Variants in RAB11FIP1 observed in about 807,000 individuals in gnomAD.
RAB11FIP1 encodes RAB11 family interacting protein 1.
Under a neutral mutation model 83.1 loss-of-function variants are expected in RAB11FIP1, and 49 were observed. The observed-to-expected ratio is 0.59, with a 90% confidence interval of 0.47 to 0.75. RAB11FIP1 has a LOEUF of 0.75. Ranked by LOEUF, RAB11FIP1 falls within the 30% of genes least tolerant of loss-of-function variation. RAB11FIP1 has a pLI of 0.00. For synonymous variants in RAB11FIP1, 670 were observed against 656.0 expected, an observed-to-expected ratio of 1.02 and a Z score of -0.33; for missense variants, 1,536 against 1,598.7, an observed-to-expected ratio of 0.96 and a Z score of 0.67.
intron 1 of RAB11FIP1, among the ~76,000 whole-genome samples, chr8:37,895,261 T>TATATATA (rs1563376642): frequency 1.5e-3 from 10 of 6,812 alleles, no homozygotes; most frequent in African/African-American, 2.5e-3. Flanking sequence ...ATATATATAT[T>TATATATA]TTTTTTTTTT....
Position 37,899,461 on chromosome 8 carries a change from A to G in RAB11FIP1, c.-20T>C. On this transcript the variant is annotated 5_prime_UTR_variant, in exon 1 of 6. Coordinates refer to ENST00000330843, the MANE Select transcript of RAB11FIP1 (RefSeq NM_001002814.3). This position sits in a 1 kb window ranked among gnomAD's most constrained non-coding sequence, Gnocchi z 4.5. Reference sequence around the variant, plus strand: ...GGACATGGTGACGATAACACTCCAGAAGCGAGGAGAAGATCGCCGCGACTG... The same window carrying G: ...GGACATGGTGACGATAACACTCCAGGAGCGAGGAGAAGATCGCCGCGACTG... 1 of 1,494,732 alleles carries G rather than the reference A, an allele frequency of 6.7e-7. No individual in the cohort carries two copies. The highest frequency in any genetic ancestry group is 8.9e-7 in the Non-Finnish European group (1 of 1,125,318). 92.6% of individuals were successfully genotyped at this position (1,494,732 alleles called of 1,614,324 possible). A position where few individuals can be genotyped will look rare whatever the true frequency, so the allele number is the denominator to read the frequency against.
At chr8:37,880,335 G>A (rs1806709435) in intron 1 of RAB11FIP1, among the ~76,000 whole-genome samples, 1 of 152,034 alleles carries the variant, frequency 6.6e-6, no homozygotes, top group South Asian at 2.1e-4. Context: ...GTCTCGCTCT[G>A]TCCCCCAGGC....
chr8:37,869,746 G>T (rs1806412752), intron 5 of RAB11FIP1, among the ~76,000 whole-genome samples: 1 of 152,146 alleles, frequency 6.6e-6, no homozygotes, highest in African/African-American at 2.4e-5. Flanking sequence ...TGTATATCCA[G>T]AAAGAGAGAA....
Position 37,899,184 on chromosome 8 carries a change from G to T in RAB11FIP1, c.258C>A (p.Ala86=). The change falls in exon 1 of 6, where the codon GCC becomes GCA. Residue 86 remains alanine, a synonymous_variant. Coordinates refer to ENST00000330843, the MANE Select transcript of RAB11FIP1 (RefSeq NM_001002814.3). This position sits in a 1 kb window ranked among gnomAD's most constrained non-coding sequence, Gnocchi z 4.5. ...GGTGCAGCACGGTGAGCTGCAGGGT[G>T]GCGGCGGCCGCGGGTCCGGAGGACA... The part of the protein sequence containing the change: ...SLLSSGPAAA[A]TLQLTVLHRA... The T allele has an allele frequency of 6.4e-7, 1 of 1,562,136 alleles. No homozygotes were observed. The highest frequency in any genetic ancestry group is 2.3e-5 in the East Asian group (1 of 42,704).
At chr8:37,890,373 G>A (rs1441027986) in intron 1 of RAB11FIP1, among the ~76,000 whole-genome samples, 1 of 152,062 alleles carries the variant, frequency 6.6e-6, no homozygotes, top group African/African-American at 2.4e-5. Flanking sequence ...ATTTTTTGGG[G>A]ATTTCTTATA....
rs752283615 is a variant in RAB11FIP1, at chr8:37,874,638, C to G, written c.1499G>C (p.Ser500Thr). 1 of 1,614,214 alleles carries G rather than the reference C, an allele frequency of 6.2e-7. No homozygotes were observed. The highest frequency in any genetic ancestry group is 8.5e-7 in the Non-Finnish European group (1 of 1,180,034). ...CACATCTTCAAAGAGGTTCAGGGAG[C>G]TGCCCTGTCTGGAGACAACAGCTGC... ...DTAAVVSRQG[S>T]SLNLFEDVQI... Residue 500 changes from serine (S) to threonine (T), a missense_variant, in exon 3 of 6, where the codon AGC (serine) becomes ACC (threonine). Coordinates refer to ENST00000330843, the MANE Select transcript of RAB11FIP1 (RefSeq NM_001002814.3).
In RAB11FIP1 at chr8:37,871,294, C is replaced by G; in HGVS notation, c.3508G>C (p.Gly1170Arg). ...PVSAQPGAGT[G>R]SAKHRLHPVK... Reference sequence around the variant, plus strand: ...ATCTCTCACCTGTGCTTGGCTGACCCAGTTCCAGCGCCTGGCTGAGCTGAG... The same window carrying G: ...ATCTCTCACCTGTGCTTGGCTGACCGAGTTCCAGCGCCTGGCTGAGCTGAG... Residue 1170 changes from glycine (G) to arginine (R), a missense_variant, in exon 4 of 6, where the codon GGG becomes CGG. Physicochemically the swap from Gly to Arg is moderately radical, Grantham distance 125. Transcript: ENST00000330843. 6.2e-7 allele frequency: 1 copy of G among 1,610,234 alleles called. No homozygotes were observed. Among genetic ancestry groups the G allele is most frequent in the Non-Finnish European group, 8.5e-7 (1 of 1,178,584 alleles).
At position 37,872,713 on chromosome 8, in the gene RAB11FIP1, G is replaced by T. The variant is rs376832149; in HGVS notation, c.2089C>A (p.Pro697Thr). ...TCTTCCTCTTGTCGCCCTGTTTCAG[G>T]CTGCTCTGGGAGAGACTCCTCCAAC... The part of the protein sequence containing the change: ...LELEESLPEQ[P>T]ETGRQEEELP... Residue 697 changes from proline (P) to threonine (T), a missense_variant, in exon 4 of 6, where the codon CCT becomes ACT. Transcript: ENST00000330843. The T allele has an allele frequency of 6.0e-5, 97 of 1,614,090 alleles. No homozygotes were observed. Among genetic ancestry groups the T allele is most frequent in the Non-Finnish European group, 7.7e-5 (91 of 1,180,044 alleles).
At chr8:37,870,268 TG>T (rs1320756218) in intron 5 of RAB11FIP1, 151 bp downstream of exon 5, 88 of 507,658 alleles carry the variant, frequency 1.7e-4, no homozygotes. Context: ...ATGGAATGTC[TG>T]GGGGCTTCCA....
intron 1 of RAB11FIP1, among the ~76,000 whole-genome samples, chr8:37,886,420 T>C (rs1341697705): frequency 6.6e-6 from 1 of 152,182 alleles, no homozygotes; most frequent in Non-Finnish European, 1.5e-5. Flanking sequence ...AGTGAATAAA[T>C]ACTGCATCCC....
chr8:37,868,558 T>C (rs1339826604), intron 5 of RAB11FIP1, among the ~76,000 whole-genome samples: 2 of 152,192 alleles, frequency 1.3e-5, no homozygotes, highest in Non-Finnish European at 2.9e-5. Flanking sequence ...CAGTTCCCAG[T>C]GTCAGTTGGG....
In RAB11FIP1 at chr8:37,861,834, C is replaced by T. The variant is rs1349621556; in HGVS notation, c.*1061G>A. On this transcript the variant is annotated 3_prime_UTR_variant, in exon 6 of 6. Transcript: ENST00000330843. ...GAACTCCTGACCTCAAGTGATCCAC[C>T]CTCCTCGGCCTTGCAAAGTGCTGGG... 2 of 303,166 alleles carry T rather than the reference C, an allele frequency of 6.6e-6. No individual in the cohort carries two copies. Among genetic ancestry groups the T allele is most frequent in the African/African-American group, 4.6e-5 (2 of 43,780 alleles). The allele number at this position is 303,166 out of a possible 1,614,324, so 18.8% of individuals were successfully genotyped here.
rs750355135 is a variant in RAB11FIP1, at chr8:37,875,016, C to G, written c.1121G>C (p.Gly374Ala). Reference sequence around the variant, plus strand: ...GGAGAGCTGCCTGTCAGAAGACAGCCCACCTCCTTCAGCAGGCTCCTTCCA... The same window carrying G: ...GGAGAGCTGCCTGTCAGAAGACAGCGCACCTCCTTCAGCAGGCTCCTTCCA... ...GSWKEPAEGG[G>A]LSSDRQLSES... The change falls in exon 3 of 6, where the codon GGG becomes GCG. Residue 374 changes from glycine (G) to alanine (A), a missense_variant. Coordinates refer to ENST00000330843, the MANE Select transcript of RAB11FIP1 (RefSeq NM_001002814.3). 3.7e-6 allele frequency: 6 copies of G among 1,613,990 alleles called. No individual in the cohort carries two copies. Among genetic ancestry groups the G allele is most frequent in the Non-Finnish European group, 4.2e-6 (5 of 1,179,992 alleles).
rs1189662470 is a variant in RAB11FIP1, at chr8:37,861,728, A to G, written c.*1167T>C. 2.7e-6 allele frequency: 1 copy of G among 366,672 alleles called. No homozygotes were observed. The highest frequency in any genetic ancestry group is 7.8e-5 in the East Asian group (1 of 12,848). 22.7% of individuals were successfully genotyped at this position (366,672 alleles called of 1,614,324 possible). A position where few individuals can be genotyped will look rare whatever the true frequency, so the allele number is the denominator to read the frequency against. On this transcript the variant is annotated 3_prime_UTR_variant, in exon 6 of 6. Transcript: ENST00000330843. The stretch of plus-strand genomic sequence containing the variant: ...CCCAGCCTCCCGAGTAGCTGGGATT[A>G]CAGGCACGCACCACCATGCCAAGCT...
chr8:37,898,673 A>T (rs992965581), intron 1 of RAB11FIP1, among the ~76,000 whole-genome samples: 12 of 147,450 alleles, frequency 8.1e-5, no homozygotes, highest in African/African-American at 3.1e-4. Context: ...AAAAAAAATT[A>T]GCCGGGCGTG....
At chr8:37,869,989 A>G (rs1806417135) in intron 5 of RAB11FIP1, among the ~76,000 whole-genome samples, 1 of 152,190 alleles carries the variant, frequency 6.6e-6, no homozygotes, top group Non-Finnish European at 1.5e-5. Context: ...TGAGGGAAAA[A>G]GAAAATACCT....
At position 37,875,169 on chromosome 8, in the gene RAB11FIP1, T is replaced by C; in HGVS notation, c.968A>G (p.His323Arg). The change falls in exon 3 of 6, where the codon CAT (histidine) becomes CGT (arginine). Residue 323 changes from histidine (H) to arginine (R), a missense_variant. His to Arg is a conservative substitution (Grantham distance 29, BLOSUM62 0). Coordinates refer to ENST00000330843, the MANE Select transcript of RAB11FIP1 (RefSeq NM_001002814.3). ...GGCTTCTGGCTGCTCCAGGTAAACA[T>C]GGTTCCCATTGATGCAGACATTAGA... ...SRSNVCINGN[H>R]VYLEQPEAKG... 6.2e-7 allele frequency: 1 copy of C among 1,614,140 alleles called. No individual in the cohort carries two copies. Among genetic ancestry groups the C allele is most frequent in the Non-Finnish European group, 8.5e-7 (1 of 1,180,008 alleles).
At chr8:37,868,921 T>A (rs1431687097) in intron 5 of RAB11FIP1, among the ~76,000 whole-genome samples, 2 of 152,146 alleles carry the variant, frequency 1.3e-5, no homozygotes, top group Admixed American at 1.3e-4. Flanking sequence ...ACTATAGTAT[T>A]AATTCATACT....
chr8:37,879,578 A>G (rs1806694507), intron 1 of RAB11FIP1, among the ~76,000 whole-genome samples: 1 of 152,072 alleles, frequency 6.6e-6, no homozygotes. Context: ...ATTGAACTGC[A>G]CACTTAAAAA....
Sources: gnomAD v4.1 joint callset for allele counts (sites outside exome capture counted in the v4.1 genomes callset) on GRCh38, gnomAD v4.1.1 for gene constraint, Gnocchi (gnomAD v3.1) non-coding constraint, MANE v1.5 for transcripts, NCBI Gene and HGNC (gene_info 2026-07-23, HGNC 2026-07-21) for gene names.